DPP10: variants seen among roughly 807,000 people sequenced by gnomAD.
The protein encoded by DPP10 is inactive dipeptidyl peptidase 10.
Under a neutral mutation model 120.9 loss-of-function variants are expected in DPP10, and 33 were observed. The observed-to-expected ratio is 0.27, with a 90% CI of 0.21 to 0.37. The LOEUF (loss-of-function observed/expected upper bound fraction) is 0.37. Among genes scored for constraint, DPP10 ranks in the 10% least tolerant of loss-of-function variants. The probability of loss-of-function intolerance (pLI) is 1.00; values close to 1 mark genes in which losing one functional copy is unlikely to be tolerated. For missense variants in DPP10, 816 were observed against 942.8 expected, an observed-to-expected ratio of 0.87 and a Z score of 1.76; for synonymous variants, 337 against 326.1, an observed-to-expected ratio of 1.03 and a Z score of -0.36.
intron 1 of DPP10, among the ~76,000 whole-genome samples, chr2:115,202,081 C>A (rs1367951985): frequency 6.6e-6 from 1 of 152,052 alleles, no homozygotes; most frequent in East Asian, 1.9e-4. Flanking sequence ...CAGAACTCAG[C>A]CACAGATGCA....
rs573937367 is a variant in DPP10 at position 114,510,377 on chromosome 2, G to T, written c.60+67539G>T. Among the ~76,000 whole-genome samples the T allele has an allele frequency of 6.1e-4, 93 of 152,266 alleles. 1 individual carries two copies. The Middle Eastern group carries it at 0.01, about 17-fold the overall frequency. On this transcript the variant is annotated intron_variant, in intron 1 of 25. Coordinates refer to ENST00000410059, the MANE Select transcript of DPP10 (RefSeq NM_020868.6). The stretch of plus-strand genomic sequence containing the variant: ...TCCCAGCACTTTGGGAGGCCAAGGT[G>T]GGTGGATCACGAGGTAAGGAGTTTG...
intron 1 of DPP10, among the ~76,000 whole-genome samples, chr2:114,962,110 A>T (rs1698685073): frequency 6.6e-6 from 1 of 151,898 alleles, no homozygotes; most frequent in Non-Finnish European, 1.5e-5. Flanking sequence ...TATGTGCTAT[A>T]CTCTTTTTAC....
At chr2:114,675,310 T>TA (rs1698598741) in intron 1 of DPP10, among the ~76,000 whole-genome samples, 1 of 152,076 alleles carries the variant, frequency 6.6e-6, no homozygotes, top group Non-Finnish European at 1.5e-5. Context: ...ATCTGATTTT[T>TA]TAAAAAAATG....
chr2:114,442,745 G>T lies in DPP10; in HGVS notation c.-34G>T, dbSNP rs756001652. 6.2e-7 allele frequency: 1 copy of T among 1,612,128 alleles called. No homozygotes were observed. The highest frequency in any genetic ancestry group is 1.7e-5 in the Admixed American group (1 of 59,836). ...GATCTCTAGTTCATTCTGGAACTCCGCCTGGGATTGTGCACTGTCCAGGGT... is the reference window on the plus strand; with the variant it reads ...GATCTCTAGTTCATTCTGGAACTCCTCCTGGGATTGTGCACTGTCCAGGGT... On this transcript the variant is annotated 5_prime_UTR_variant, in exon 1 of 26. Transcript: ENST00000410059.
intron 1 of DPP10, among the ~76,000 whole-genome samples, chr2:114,971,940 T>G (rs891394383): frequency 6.6e-6 from 1 of 152,202 alleles, no homozygotes; most frequent in Non-Finnish European, 1.5e-5. Flanking sequence ...TCATGGATGG[T>G]GACGAAAATC....
chr2:115,020,164 T>C (rs556757123), intron 1 of DPP10, among the ~76,000 whole-genome samples: 4 of 152,264 alleles, frequency 2.6e-5, no homozygotes, highest in African/African-American at 4.8e-5. Context: ...CACATCTCAA[T>C]ACTAGCATTG....
chr2:114,683,710 C>G (rs1042229489), intron 1 of DPP10, among the ~76,000 whole-genome samples: 1 of 151,824 alleles, frequency 6.6e-6, no homozygotes, highest in African/African-American at 2.4e-5. Flanking sequence ...TTGACTAACT[C>G]CCTTCTACTA....
chr2:115,324,153 A>G (rs1224216060), intron 2 of DPP10, among the ~76,000 whole-genome samples: 2 of 152,064 alleles, frequency 1.3e-5, no homozygotes, highest in Admixed American at 6.6e-5. Flanking sequence ...TCACGTGCCT[A>G]TAGTCCCAGC....
intron 2 of DPP10, among the ~76,000 whole-genome samples, chr2:115,330,895 T>A (rs2062685048): frequency 6.6e-6 from 1 of 152,134 alleles, no homozygotes; most frequent in African/African-American, 2.4e-5. Flanking sequence ...CTTAGGATTG[T>A]CTTGGCAATG....
chr2:115,584,586 C>G (rs2082179923), intron 5 of DPP10, among the ~76,000 whole-genome samples: 1 of 152,208 alleles, frequency 6.6e-6, no homozygotes, highest in African/African-American at 2.4e-5. Context: ...TAGAGCTATG[C>G]TTTTCTTCTT....
intron 3 of DPP10, among the ~76,000 whole-genome samples, chr2:115,478,854 C>G (rs543207682): frequency 3.9e-5 from 6 of 152,214 alleles, no homozygotes; most frequent in African/African-American, 9.6e-5. Context: ...CAATTTGATA[C>G]CACATCACAT....
chr2:115,715,339 CAA>C (rs546857779), intron 7 of DPP10, among the ~76,000 whole-genome samples: 9 of 67,652 alleles, frequency 1.3e-4, no homozygotes, highest in South Asian at 6.7e-4. Context: ...AACTCCGTCT[CAA>C]AAAAAAAAAA....
chr2:114,581,515 A>T (rs1316628573), intron 1 of DPP10, among the ~76,000 whole-genome samples: 1 of 152,132 alleles, frequency 6.6e-6, no homozygotes, highest in Non-Finnish European at 1.5e-5. Context: ...ATATACATGC[A>T]GATAGGTTCT....
chr2:114,814,160 T>C (rs1685425713), intron 1 of DPP10, among the ~76,000 whole-genome samples: 1 of 152,188 alleles, frequency 6.6e-6, no homozygotes, highest in South Asian at 2.1e-4. Flanking sequence ...TTACAGTATT[T>C]AACAAAGCAA....
intron 1 of DPP10, among the ~76,000 whole-genome samples, chr2:114,657,300 T>C (rs1339367912): frequency 3.3e-5 from 5 of 152,208 alleles, no homozygotes; most frequent in African/African-American, 9.6e-5. Context: ...TTTTGTCAAC[T>C]TGAAACTCAA....
chr2:114,829,152 T>A (rs1427456123), intron 1 of DPP10, among the ~76,000 whole-genome samples: 1 of 151,610 alleles, frequency 6.6e-6, no homozygotes, highest in Non-Finnish European at 1.5e-5. Flanking sequence ...AGCCAGGCAC[T>A]GTAGCAGGCA....
intron 1 of DPP10, among the ~76,000 whole-genome samples, chr2:115,240,570 A>G (rs1370845166): frequency 2.6e-5 from 4 of 152,054 alleles, no homozygotes; most frequent in Non-Finnish European, 5.9e-5. Context: ...ATTTTTTCCA[A>G]TTCTGTAGGT....
intron 1 of DPP10, among the ~76,000 whole-genome samples, chr2:114,821,092 G>C (rs1429632612): frequency 1.3e-5 from 2 of 152,218 alleles, no homozygotes; most frequent in Non-Finnish European, 2.9e-5. Context: ...AACTTCAAGT[G>C]CCAAGGATAC....
intron 1 of DPP10, among the ~76,000 whole-genome samples, chr2:114,739,125 T>C (rs1238309080): frequency 6.6e-6 from 1 of 152,210 alleles, no homozygotes; most frequent in Admixed American, 6.5e-5. Context: ...ATTTGCTAAA[T>C]GGTTGTCATT....
Sources: allele counts gnomAD v4.1 joint callset (sites outside exome capture counted in the v4.1 genomes callset), GRCh38; gene constraint gnomAD v4.1.1; transcripts MANE v1.5; gene names NCBI Gene and HGNC (gene_info 2026-07-23, HGNC 2026-07-21).